BLTP2: variants seen among roughly 807,000 people sequenced by gnomAD.
BLTP2 encodes U937-associated antigen.
At chr17:28,637,704 C>G in the BLTP2 span, 4 of 758,714 alleles carry the variant, frequency 5.3e-6, no homozygotes, top group Non-Finnish European at 8.6e-6. Flanking sequence ...CAGAGTCTCG[C>G]TCGTTTGCCC....
the BLTP2 span, among the ~76,000 whole-genome samples, chr17:28,632,496 G>A: frequency 6.6e-6 from 1 of 152,102 alleles, no homozygotes; most frequent in Non-Finnish European, 1.5e-5. Flanking sequence ...TAAGAGGTGG[G>A]CCTCTGGGAG....
the BLTP2 span, chr17:28,640,729 T>C: frequency 6.3e-7 from 1 of 1,593,810 alleles, no homozygotes; most frequent in Non-Finnish European, 8.6e-7. Flanking sequence ...TTCTTAACAC[T>C]CCCAGTTCTC....
At chr17:28,621,038 G>A in the BLTP2 span, 22 of 1,614,044 alleles carry the variant, frequency 1.4e-5, no homozygotes, top group Non-Finnish European at 1.5e-5. Context: ...AAGAACTTCA[G>A]GTGGCTTAAT....
At chr17:28,618,686 T>C in the BLTP2 span, 3 of 847,076 alleles carry the variant, frequency 3.5e-6, no homozygotes, top group Admixed American at 4.8e-5. Context: ...TTAATAATCA[T>C]ACAATAATTA....
the BLTP2 span, chr17:28,644,324 C>A: frequency 1.1e-6 from 1 of 933,378 alleles, no homozygotes; most frequent in Non-Finnish European, 1.6e-6. Flanking sequence ...TCCAAAGCAC[C>A]ACTCTGTCAT....
chr17:28,639,242 G>A, the BLTP2 span: 29 of 1,480,990 alleles, frequency 2.0e-5, no homozygotes, highest in African/African-American at 3.6e-4. Context: ...TTTAACACAG[G>A]ATGCCAATTT....
At chr17:28,621,224 T>G in the BLTP2 span, 3 of 1,566,566 alleles carry the variant, frequency 1.9e-6, no homozygotes, top group Admixed American at 1.7e-5. Flanking sequence ...AAAGATAATG[T>G]GAGAGCCTCC....
chr17:28,633,727 A>G, the BLTP2 span: 1 of 1,613,884 alleles, frequency 6.2e-7, no homozygotes, highest in East Asian at 2.2e-5. Context: ...TGGGCCCCAC[A>G]CCACTGTGTA....
At chr17:28,627,718 T>C in the BLTP2 span, among the ~76,000 whole-genome samples, 1 of 151,930 alleles carries the variant, frequency 6.6e-6, no homozygotes, top group Non-Finnish European at 1.5e-5. Flanking sequence ...TTTTTTGAGA[T>C]GGAGTCCTGC....
At chr17:28,634,082 C>T in the BLTP2 span, 1 of 1,613,990 alleles carries the variant, frequency 6.2e-7, no homozygotes, top group East Asian at 2.2e-5. Context: ...AGTCCCTGAT[C>T]CGAACTGTTA....
the BLTP2 span, chr17:28,637,189 G>A: frequency 2.5e-6 from 4 of 1,607,764 alleles, no homozygotes; most frequent in African/African-American, 4.0e-5. Flanking sequence ...CAGAAACCAT[G>A]TCAGCCTTGG....
the BLTP2 span, chr17:28,616,221 T>G: frequency 6.2e-7 from 1 of 1,607,376 alleles, no homozygotes; most frequent in Admixed American, 1.7e-5. The surrounding 1 kb of genome is among the most constrained non-coding windows in gnomAD (Gnocchi z 4.8). Flanking sequence ...GCAAGGAGTG[T>G]GAGCCCTGAA....
chr17:28,621,917 T>G, the BLTP2 span, among the ~76,000 whole-genome samples: 1 of 152,204 alleles, frequency 6.6e-6, no homozygotes, highest in East Asian at 1.9e-4. Context: ...GGGAATTGAA[T>G]TATTTTTATT....
At chr17:28,638,070 G>A in the BLTP2 span, 1 of 1,614,140 alleles carries the variant, frequency 6.2e-7, no homozygotes, top group Non-Finnish European at 8.5e-7. Flanking sequence ...GTGCTGGACA[G>A]GCCCAGAGGC....
chr17:28,632,942 T>C, the BLTP2 span: 4 of 1,519,914 alleles, frequency 2.6e-6, no homozygotes, highest in Non-Finnish European at 3.5e-6. Flanking sequence ...CAAGCCTCAC[T>C]TCCACTGTGC....
the BLTP2 span, chr17:28,642,847 T>C: frequency 3.0e-6 from 4 of 1,344,350 alleles, no homozygotes; most frequent in East Asian, 6.9e-5. Flanking sequence ...GACGGCTAGA[T>C]CCTCTGCTCC....
At chr17:28,624,387 G>A in the BLTP2 span, 3 of 1,610,780 alleles carry the variant, frequency 1.9e-6, no homozygotes, top group Non-Finnish European at 2.5e-6. Flanking sequence ...CAACATGTAA[G>A]CACCTGGCAG....
chr17:28,642,944 T>C, the BLTP2 span: 1 of 1,610,722 alleles, frequency 6.2e-7, no homozygotes, highest in Non-Finnish European at 8.5e-7. Context: ...GGTATCCACC[T>C]TGAGAACCAT....
the BLTP2 span, among the ~76,000 whole-genome samples, chr17:28,626,475 G>GT: frequency 6.6e-5 from 10 of 152,334 alleles, no homozygotes; most frequent in African/African-American, 2.4e-4. Flanking sequence ...GAGTTGACTA[G>GT]TTGCTGGCAG....
Sources: gnomAD v4.1 joint callset for allele counts (sites outside exome capture counted in the v4.1 genomes callset) on GRCh38, gnomAD v4.1.1 for gene constraint, Gnocchi (gnomAD v3.1) non-coding constraint, MANE v1.5 for transcripts, NCBI Gene and HGNC (gene_info 2026-07-23, HGNC 2026-07-21) for gene names.